VPS53: variants seen among roughly 807,000 people sequenced by gnomAD.
The protein encoded by VPS53 is vacuolar protein sorting-associated protein 53 homolog.
Under a neutral mutation model 107.0 loss-of-function variants are expected in VPS53, and 70 were observed. The ratio of observed to expected loss-of-function variants is 0.65; its 90% CI spans 0.54 to 0.80. The LOEUF (loss-of-function observed/expected upper bound fraction) is 0.80. Among genes scored for constraint, VPS53 ranks in the 30% least tolerant of loss-of-function variants. The pLI is 0.00. For missense variants in VPS53, 917 were observed against 1,049.4 expected (o/e 0.87, Z 1.74); for synonymous variants, 409 against 393.3 (o/e 1.04, Z -0.47).
intron 11 of VPS53, among the ~76,000 whole-genome samples, chr17:605,267 G>A (rs750425298): frequency 1.6e-4 from 24 of 152,184 alleles, no homozygotes; most frequent in Admixed American, 7.9e-4. Flanking sequence ...GAAAACTCAG[G>A]GAGTGGGATG....
chr17:663,065 T>C (rs1971540199), intron 4 of VPS53, among the ~76,000 whole-genome samples: 1 of 150,938 alleles, frequency 6.6e-6, no homozygotes. Context: ...TAGCCAGGCA[T>C]GGTGGCGCAC....
At chr17:661,535 A>G (rs1265942078) in intron 5 of VPS53, among the ~76,000 whole-genome samples, 1 of 149,258 alleles carries the variant, frequency 6.7e-6, no homozygotes, top group Non-Finnish European at 1.5e-5. Flanking sequence ...AAAAAAAAAA[A>G]AATACCCAAA....
chr17:528,659 C>A (rs761214822), intron 19 of VPS53, among the ~76,000 whole-genome samples: 2 of 142,806 alleles, frequency 1.4e-5, no homozygotes, highest in African/African-American at 2.6e-5. Context: ...GGTACAGTGG[C>A]GCAATCTTGG....
intron 13 of VPS53, among the ~76,000 whole-genome samples, chr17:575,178 T>G (rs1339685314): frequency 2.6e-5 from 4 of 152,256 alleles, no homozygotes; most frequent in African/African-American, 9.6e-5. Context: ...CAAGTTCATT[T>G]TCTGAGATTT....
intron 17 of VPS53, among the ~76,000 whole-genome samples, chr17:549,189 C>T (rs562631262): frequency 9.2e-5 from 14 of 152,292 alleles, no homozygotes; most frequent in African/African-American, 2.6e-4. Flanking sequence ...GAATCAGAGA[C>T]AGAAATAACC....
At chr17:530,056 T>A (rs1458278439) in intron 19 of VPS53, among the ~76,000 whole-genome samples, 1 of 151,968 alleles carries the variant, frequency 6.6e-6, no homozygotes, top group African/African-American at 2.4e-5. Context: ...CTCAAAAATG[T>A]TCATTTTTAA....
intron 13 of VPS53, among the ~76,000 whole-genome samples, chr17:566,588 G>A (rs528496248): frequency 6.6e-6 from 1 of 152,226 alleles, no homozygotes; most frequent in African/African-American, 2.4e-5. Context: ...AGGTGGAAAC[G>A]GGATGGAGGC....
rs931931719 is a variant in VPS53, at chr17:516,756, G to A, written c.*2372C>T. 8 of 152,200 alleles carry A rather than the reference G, an allele frequency of 5.3e-5. No individual in the cohort carries two copies. The highest frequency in any genetic ancestry group is 1.0e-4 in the Non-Finnish European group (7 of 68,046). 9.4% of individuals were successfully genotyped at this position (152,200 alleles called of 1,614,324 possible). ...TACACAGTACTGAGTCCCCATCAAGGAGACATTTAACAGAAACTCCTACTG... is the reference window on the plus strand; with the variant it reads ...TACACAGTACTGAGTCCCCATCAAGAAGACATTTAACAGAAACTCCTACTG... On this transcript the variant is annotated 3_prime_UTR_variant, in exon 22 of 22. Coordinates refer to ENST00000437048, the MANE Select transcript of VPS53 (RefSeq NM_001128159.3).
At chr17:630,312 C>A (rs796667356) in intron 8 of VPS53, among the ~76,000 whole-genome samples, 263 of 144,240 alleles carry the variant, frequency 1.8e-3, no homozygotes, top group East Asian at 2.6e-3. Context: ...AACAAACAAA[C>A]AAAAAAAAAA....
At chr17:629,689 G>A (rs1268558688) in intron 8 of VPS53, among the ~76,000 whole-genome samples, 1 of 151,698 alleles carries the variant, frequency 6.6e-6, no homozygotes, top group Non-Finnish European at 1.5e-5. Context: ...CATGAACTCG[G>A]AAGGTGGAGC....
intron 5 of VPS53, among the ~76,000 whole-genome samples, chr17:656,361 C>G (rs1971187217): frequency 6.6e-6 from 1 of 152,172 alleles, no homozygotes; most frequent in Non-Finnish European, 1.5e-5. Flanking sequence ...ACTAGGTACT[C>G]AGACGGTCTT....
intron 10 of VPS53, among the ~76,000 whole-genome samples, chr17:624,227 CTAATT>C (rs1357200162): frequency 2.0e-5 from 3 of 152,078 alleles, no homozygotes; most frequent in African/African-American, 7.2e-5. Flanking sequence ...TATGGAGCAC[CTAATT>C]TTTTATTAGT....
chr17:545,985 G>A (rs1220453246), intron 17 of VPS53, among the ~76,000 whole-genome samples: 1 of 152,164 alleles, frequency 6.6e-6, no homozygotes, highest in Admixed American at 6.5e-5. Flanking sequence ...CAAACAGTGT[G>A]GTACTGGCCT....
chr17:598,479 C>T (rs912081292), intron 12 of VPS53, among the ~76,000 whole-genome samples: 2,078 of 151,056 alleles, frequency 0.014, 21 homozygotes, highest in Middle Eastern at 0.024. Flanking sequence ...AAGTGAGGAG[C>T]GTCTCCGCCC....
Position 517,567 on chromosome 17 carries a change from T to C in VPS53, c.*1561A>G. On this transcript the variant is annotated 3_prime_UTR_variant, in exon 22 of 22. Transcript: ENST00000437048. The stretch of plus-strand genomic sequence containing the variant: ...AGGGGTCTTGCTCTGTCACCCAGGC[T>C]GGAGTGCAGTGGTGAAATCTTGGCT... The C allele has an allele frequency of 2.5e-6, 1 of 396,438 alleles. No homozygotes were observed. The highest frequency in any genetic ancestry group is 4.4e-6 in the Non-Finnish European group (1 of 224,748). The allele number at this position is 396,438 out of a possible 1,614,324, so 24.6% of individuals were successfully genotyped here.
intron 6 of VPS53, among the ~76,000 whole-genome samples, chr17:654,532 A>G (rs184703592): frequency 6.6e-5 from 10 of 152,136 alleles, no homozygotes; most frequent in East Asian, 5.8e-4. Flanking sequence ...AGGTCAGGAG[A>G]TCGAGACCAT....
chr17:625,544 A>G (rs1969667203), intron 10 of VPS53, among the ~76,000 whole-genome samples: 1 of 151,436 alleles, frequency 6.6e-6, no homozygotes, highest in African/African-American at 2.4e-5. Flanking sequence ...TGAACTATGG[A>G]CCATCACTCT....
chr17:585,813 T>G (rs553007176), intron 13 of VPS53, among the ~76,000 whole-genome samples: 2 of 152,240 alleles, frequency 1.3e-5, no homozygotes, highest in Non-Finnish European at 2.9e-5. Flanking sequence ...CTGGTTGTTA[T>G]GTAAGATGTT....
intron 7 of VPS53, among the ~76,000 whole-genome samples, chr17:644,567 C>T (rs1239618195): frequency 6.6e-6 from 1 of 151,208 alleles, no homozygotes; most frequent in East Asian, 1.9e-4. Context: ...GTTGTCTCCT[C>T]TTGTGCTCTT....
Sources: allele counts gnomAD v4.1 joint callset (sites outside exome capture counted in the v4.1 genomes callset), GRCh38; gene constraint gnomAD v4.1.1; transcripts MANE v1.5; gene names NCBI Gene and HGNC (gene_info 2026-07-23, HGNC 2026-07-21).